The following MTUS2 variants were observed in gnomAD, a reference collection of about 807,000 sequenced individuals.
MTUS2 encodes the protein microtubule associated scaffold protein 2.
In MTUS2, 40 loss-of-function variants were observed where a neutral mutation model predicts 114.1. The observed-to-expected ratio is 0.35, with a 90% CI of 0.27 to 0.46. The LOEUF (loss-of-function observed/expected upper bound fraction) is 0.46. Ranked by LOEUF, MTUS2 falls within the 20% of genes least tolerant of loss-of-function variation. MTUS2 has a pLI of 1.00. For missense variants in MTUS2, 1,679 were observed against 1,705.4 expected (o/e 0.98, Z 0.27); for synonymous variants, 688 against 672.0 (o/e 1.02, Z -0.37).
intron 5 of MTUS2, among the ~76,000 whole-genome samples, chr13:29,213,652 T>C (rs764049777): frequency 7.2e-5 from 11 of 152,216 alleles, no homozygotes; most frequent in Non-Finnish European, 1.3e-4. Context: ...AGAGCCACTT[T>C]GGCTTTCTCT....
At chr13:29,055,385 T>G (rs566830449) in intron 4 of MTUS2, among the ~76,000 whole-genome samples, 1 of 152,280 alleles carries the variant, frequency 6.6e-6, no homozygotes, top group East Asian at 1.9e-4. Flanking sequence ...TTTCTAATTT[T>G]ATCTTAGGTT....
intron 9 of MTUS2, among the ~76,000 whole-genome samples, chr13:29,445,527 G>A (rs1257909023): frequency 6.6e-6 from 1 of 152,206 alleles, no homozygotes; most frequent in Admixed American, 6.5e-5. Flanking sequence ...GTGAGGTGGG[G>A]AGTTTCCATG....
intron 5 of MTUS2, among the ~76,000 whole-genome samples, chr13:29,175,127 A>G (rs1893717553): frequency 6.6e-6 from 1 of 152,176 alleles, no homozygotes; most frequent in Non-Finnish European, 1.5e-5. Context: ...GAAAATTTGC[A>G]TTTTTTATTA....
At chr13:29,042,505 CTT>C (rs147287262) in intron 4 of MTUS2, among the ~76,000 whole-genome samples, 4,217 of 152,190 alleles carry the variant, frequency 0.028, 164 homozygotes, top group African/African-American at 0.094. Flanking sequence ...AGGATTCCCT[CTT>C]TGTCTGTCTT....
intron 4 of MTUS2, among the ~76,000 whole-genome samples, chr13:29,064,753 A>G (rs1338249786): frequency 6.6e-6 from 1 of 152,060 alleles, no homozygotes; most frequent in Non-Finnish European, 1.5e-5. Flanking sequence ...ACCCTACCCA[A>G]TAGATATTTT....
chr13:29,465,817 A>AT (rs950538935), intron 9 of MTUS2, among the ~76,000 whole-genome samples: 1 of 152,152 alleles, frequency 6.6e-6, no homozygotes, highest in Non-Finnish European at 1.5e-5. Flanking sequence ...CATTACCTTC[A>AT]TTTTCTAGTT....
At chr13:29,467,117 C>T (rs2138821924) in intron 9 of MTUS2, among the ~76,000 whole-genome samples, 1 of 152,190 alleles carries the variant, frequency 6.6e-6, no homozygotes, top group South Asian at 2.1e-4. Context: ...TGGAAAGAGG[C>T]CCTCCAAGCT....
intron 5 of MTUS2, among the ~76,000 whole-genome samples, chr13:29,181,788 CTGTGTGTGTGTGTGTGTG>C (rs34853883): frequency 1.8e-4 from 27 of 146,824 alleles, no homozygotes; most frequent in African/African-American, 5.0e-4. Context: ...TTATATACTA[CTGTGTGTGTGTGTGTGTG>C]TGTGTGTGTG....
intron 2 of MTUS2, among the ~76,000 whole-genome samples, chr13:28,969,754 C>T (rs776307723): frequency 1.7e-3 from 253 of 151,914 alleles, no homozygotes; most frequent in Non-Finnish European, 3.3e-3. Context: ...CTACCCACCT[C>T]GGTCTCCCAA....
intron 5 of MTUS2, among the ~76,000 whole-genome samples, chr13:29,133,920 G>A (rs933534184): frequency 6.6e-6 from 1 of 151,912 alleles, no homozygotes; most frequent in Admixed American, 6.6e-5. Context: ...TTTCCTTCCT[G>A]TATTAGTTTT....
intron 4 of MTUS2, among the ~76,000 whole-genome samples, chr13:29,053,452 G>A (rs776719689): frequency 3.9e-5 from 6 of 152,278 alleles, no homozygotes; most frequent in African/African-American, 1.2e-4. Context: ...GTCCCCTTGG[G>A]CAAATAGGAA....
rs972191554 is a variant in MTUS2 at position 29,389,643 on chromosome 13, A to ATGTATATACGTATATATGTATATG, written c.3117+30172_3117+30195dup. 2.1e-5 allele frequency among the ~76,000 whole-genome samples: 3 copies of ATGTATATACGTATATATGTATATG among 144,450 alleles called. 1 individual carries two copies. Among genetic ancestry groups the ATGTATATACGTATATATGTATATG allele is most frequent in the African/African-American group, 7.8e-5 (3 of 38,530 alleles). The allele number at this position is 144,450 out of a possible 152,430, so 94.8% of individuals were successfully genotyped here. ...TGTATATATGTATACACATATGTGT[A>ATGTATATACGTATATATGTATATG]TGTATATACGTATATATGTATATGT... On this transcript the variant is annotated intron_variant, in intron 8 of 15. Transcript: ENST00000612955.
chr13:28,993,874 A>G (rs1256702202), intron 2 of MTUS2, among the ~76,000 whole-genome samples: 2 of 151,722 alleles, frequency 1.3e-5, no homozygotes, highest in East Asian at 1.9e-4. Context: ...TGTATATTCT[A>G]TAGTTTATTT....
intron 2 of MTUS2, among the ~76,000 whole-genome samples, chr13:29,005,634 G>A (rs569865829): frequency 3.9e-5 from 6 of 152,176 alleles, no homozygotes; most frequent in South Asian, 2.1e-4. Context: ...TGCAGCCGTC[G>A]TCTTGGACAC....
At position 28,821,072 on chromosome 13, in the gene MTUS2, A is replaced by G. The variant is rs548194495; in HGVS notation, c.-316+461A>G. Among the ~76,000 whole-genome samples, 99 of 151,858 alleles carry G rather than the reference A, an allele frequency of 6.5e-4. 4 individuals carry two copies. Among genetic ancestry groups the G allele is most frequent in the Non-Finnish European group, 4.0e-4 (27 of 67,946 alleles). On this transcript the variant is annotated intron_variant, in intron 1 of 15. Transcript: ENST00000612955. The stretch of plus-strand genomic sequence containing the variant: ...CAGGCACACAAGTGATGTTACTACC[A>G]TTCTATTTTAAATACAAACACGGAA...
intron 2 of MTUS2, among the ~76,000 whole-genome samples, chr13:28,928,943 C>T (rs1218469247): frequency 6.6e-6 from 1 of 152,170 alleles, no homozygotes; most frequent in African/African-American, 2.4e-5. Flanking sequence ...CACGTGTACA[C>T]ATGCACACAT....
intron 5 of MTUS2, among the ~76,000 whole-genome samples, chr13:29,205,316 G>A (rs1241964664): frequency 6.6e-6 from 1 of 152,222 alleles, no homozygotes; most frequent in Non-Finnish European, 1.5e-5. Context: ...TTGATTTTAT[G>A]TGGATTTCCT....
intron 5 of MTUS2, among the ~76,000 whole-genome samples, chr13:29,111,622 G>C (rs1890887147): frequency 6.6e-6 from 1 of 152,186 alleles, no homozygotes; most frequent in Non-Finnish European, 1.5e-5. Flanking sequence ...ATAGCTTCTA[G>C]ATGAATCTTG....
At chr13:29,383,106 G>A (rs1274162636) in intron 8 of MTUS2, among the ~76,000 whole-genome samples, 2 of 151,868 alleles carry the variant, frequency 1.3e-5, no homozygotes, top group Non-Finnish European at 2.9e-5. Flanking sequence ...ATTTAATGAT[G>A]GATATATATT....
Sources: allele counts gnomAD v4.1 joint callset (sites outside exome capture counted in the v4.1 genomes callset), GRCh38; gene constraint gnomAD v4.1.1; transcripts MANE v1.5; gene names NCBI Gene and HGNC (gene_info 2026-07-23, HGNC 2026-07-21).